NFATC3: variants seen among roughly 807,000 people sequenced by gnomAD.
NFATC3 encodes nuclear factor of activated T-cells, cytoplasmic 3.
In NFATC3, 46 loss-of-function variants were observed where a neutral mutation model predicts 98.6. The ratio of observed to expected loss-of-function variants is 0.47; its 90% CI spans 0.37 to 0.60. The LOEUF (loss-of-function observed/expected upper bound fraction) is 0.60. Ranked by LOEUF, NFATC3 falls within the 20% of genes least tolerant of loss-of-function variation. NFATC3 has a pLI of 0.00. For synonymous variants in NFATC3, 512 were observed against 472.2 expected, an observed-to-expected ratio of 1.08 and a Z score of -1.09; for missense variants, 1,256 against 1,295.5, an observed-to-expected ratio of 0.97 and a Z score of 0.47.
At chr16:68,098,504 G>A (rs1009159924) in intron 1 of NFATC3, among the ~76,000 whole-genome samples, 5 of 151,908 alleles carry the variant, frequency 3.3e-5, no homozygotes, top group African/African-American at 1.2e-4. Flanking sequence ...GTTTCACCAT[G>A]TTGACCAGGA....
chr16:68,123,768 T>C (rs1025841437), intron 2 of NFATC3, among the ~76,000 whole-genome samples: 11 of 152,012 alleles, frequency 7.2e-5, no homozygotes, highest in Non-Finnish European at 1.6e-4. Context: ...GGGAGGCCGT[T>C]GAGCCCCAGA....
intron 1 of NFATC3, among the ~76,000 whole-genome samples, chr16:68,106,249 C>T (rs2035648787): frequency 6.6e-6 from 1 of 151,984 alleles, no homozygotes; most frequent in Non-Finnish European, 1.5e-5. Context: ...CTAACAAAAT[C>T]CACTTACGTT....
chr16:68,090,331 ACACACACACG>A (rs1419268305), intron 1 of NFATC3, among the ~76,000 whole-genome samples: 1 of 120,682 alleles, frequency 8.3e-6, no homozygotes, highest in Non-Finnish European at 1.7e-5. Flanking sequence ...AAACACACAC[ACACACACACG>A]CACACACACA....
intron 1 of NFATC3, among the ~76,000 whole-genome samples, chr16:68,116,858 A>C (rs989629246): frequency 6.6e-6 from 1 of 151,956 alleles, no homozygotes; most frequent in Admixed American, 6.6e-5. Flanking sequence ...CTATTTAATC[A>C]AGTACATTCT....
intron 1 of NFATC3, among the ~76,000 whole-genome samples, chr16:68,094,094 C>T (rs2034878175): frequency 6.6e-6 from 1 of 152,138 alleles, no homozygotes; most frequent in Admixed American, 6.5e-5. Context: ...GCTAACTGTG[C>T]TAGACCCAAA....
chr16:68,163,453 G>A (rs944785739), intron 4 of NFATC3, among the ~76,000 whole-genome samples: 2 of 151,216 alleles, frequency 1.3e-5, no homozygotes, highest in South Asian at 2.1e-4. Context: ...GGGCAGAGGC[G>A]CCCCTCACCT....
At chr16:68,137,647 T>C (rs913887490) in intron 3 of NFATC3, among the ~76,000 whole-genome samples, 4 of 151,324 alleles carry the variant, frequency 2.6e-5, no homozygotes, top group African/African-American at 9.7e-5. Flanking sequence ...ACAGTCTTGC[T>C]CAGTCACCCA....
At chr16:68,144,298 G>T (rs905350711) in intron 3 of NFATC3, among the ~76,000 whole-genome samples, 1 of 152,154 alleles carries the variant, frequency 6.6e-6, no homozygotes, top group African/African-American at 2.4e-5. Flanking sequence ...TGTCAAGGAT[G>T]CACAGAAACT....
intron 8 of NFATC3, among the ~76,000 whole-genome samples, chr16:68,184,004 C>CAAAAAAAAA (rs34341175): frequency 3.2e-5 from 2 of 62,252 alleles, no homozygotes; most frequent in Non-Finnish European, 6.3e-5. Flanking sequence ...AACTCCGTCA[C>CAAAAAAAAA]AAAAAAAAAA....
At chr16:68,173,552 G>A (rs1186217685) in intron 5 of NFATC3, among the ~76,000 whole-genome samples, 1 of 152,166 alleles carries the variant, frequency 6.6e-6, no homozygotes, top group African/African-American at 2.4e-5. Context: ...GGGCGACACA[G>A]CAAGACTCTG....
At chr16:68,175,077 AAT>A (rs2039627386) in intron 6 of NFATC3, among the ~76,000 whole-genome samples, 1 of 152,228 alleles carries the variant, frequency 6.6e-6, no homozygotes, top group Non-Finnish European at 1.5e-5. Context: ...CATACAATGG[AAT>A]ATTACTTGGT....
In NFATC3 at chr16:68,222,490, G is replaced by A. The variant is rs1056560279; in HGVS notation, c.3107-3860G>A. The stretch of plus-strand genomic sequence containing the variant: ...ATCTTTGAAATTATTGCCTTTGGAA[G>A]TGATAAATGATAAGAAAAGATGATT... On this transcript the variant is annotated intron_variant, in intron 9 of 9. Transcript: ENST00000346183. 3.3e-5 allele frequency among the ~76,000 whole-genome samples: 5 copies of A among 152,246 alleles called. 1 individual carries two copies.
At chr16:68,184,609 C>G (rs529265688) in intron 8 of NFATC3, among the ~76,000 whole-genome samples, 1 of 152,156 alleles carries the variant, frequency 6.6e-6, no homozygotes, top group South Asian at 2.1e-4. Flanking sequence ...CGAGACCATC[C>G]TGGCTAACAT....
At chr16:68,170,552 G>A (rs1395841030) in intron 5 of NFATC3, among the ~76,000 whole-genome samples, 1 of 149,964 alleles carries the variant, frequency 6.7e-6, no homozygotes, top group Non-Finnish European at 1.5e-5. Flanking sequence ...GAGTGCAGTG[G>A]CGCAATCTCG....
chr16:68,158,828 T>G (rs550380499), intron 4 of NFATC3, among the ~76,000 whole-genome samples: 7 of 152,192 alleles, frequency 4.6e-5, no homozygotes, highest in Non-Finnish European at 8.8e-5. Flanking sequence ...AGTCAAATCC[T>G]CTTTTAAGAA....
At chr16:68,165,536 A>G (rs1370923146) in intron 4 of NFATC3, among the ~76,000 whole-genome samples, 1 of 151,786 alleles carries the variant, frequency 6.6e-6, no homozygotes, top group African/African-American at 2.4e-5. Context: ...AGCTGAGACT[A>G]CAGGCACACG....
chr16:68,169,137 A>G (rs2039347507), intron 5 of NFATC3, among the ~76,000 whole-genome samples: 3 of 152,132 alleles, frequency 2.0e-5, no homozygotes, highest in African/African-American at 7.2e-5. Context: ...ATTCAGAAAT[A>G]TAGAGTACAA....
At chr16:68,185,486 A>C (rs929084335) in intron 8 of NFATC3, among the ~76,000 whole-genome samples, 11 of 152,298 alleles carry the variant, frequency 7.2e-5, no homozygotes, top group Admixed American at 2.6e-4. Context: ...TGAATGAGAA[A>C]GAAGAGGGCT....
intron 5 of NFATC3, among the ~76,000 whole-genome samples, chr16:68,169,523 G>C (rs937128750): frequency 6.6e-6 from 1 of 152,142 alleles, no homozygotes; most frequent in Non-Finnish European, 1.5e-5. Flanking sequence ...AAAGTGCTGG[G>C]ATTACAGGCT....
Sources: allele counts gnomAD v4.1 joint callset (sites outside exome capture counted in the v4.1 genomes callset), GRCh38; gene constraint gnomAD v4.1.1; transcripts MANE v1.5; gene names NCBI Gene and HGNC (gene_info 2026-07-23, HGNC 2026-07-21).